CCDC178: variants seen among roughly 807,000 people sequenced by gnomAD.
CCDC178 encodes the protein coiled-coil domain-containing protein 178.
Under a neutral mutation model 117.4 loss-of-function variants are expected in CCDC178, and 126 were observed. The observed-to-expected ratio is 1.07, with a 90% confidence interval of 0.93 to 1.24. The LOEUF (loss-of-function observed/expected upper bound fraction) is 1.24. Ranked by LOEUF, CCDC178 falls within the 50% of genes most tolerant of loss-of-function variation. The probability of loss-of-function intolerance (pLI) is 0.00; values close to 1 mark genes in which losing one functional copy is unlikely to be tolerated. For synonymous variants in CCDC178, 283 were observed against 313.4 expected, an observed-to-expected ratio of 0.90 and a Z score of 1.02; for missense variants, 1,030 against 986.9, an observed-to-expected ratio of 1.04 and a Z score of -0.59.
chr18:32,971,893 A>G (rs1430627304), intron 22 of CCDC178, among the ~76,000 whole-genome samples: 3 of 151,942 alleles, frequency 2.0e-5, no homozygotes, highest in African/African-American at 7.2e-5. Flanking sequence ...TAATTTGTTT[A>G]AGTTCCTTGT....
intron 5 of CCDC178, 58 bp downstream of exon 5, chr18:33,389,482 T>G: frequency 7.9e-4 from 582 of 734,150 alleles, no homozygotes; most frequent in Non-Finnish European, 9.7e-4. Context: ...TATAGACTAA[T>G]GAGATAATAT....
intron 21 of CCDC178, among the ~76,000 whole-genome samples, chr18:33,037,549 T>C (rs549276848): frequency 5.3e-5 from 8 of 152,094 alleles, no homozygotes; most frequent in South Asian, 4.1e-4. Context: ...TCTTTCAAAA[T>C]GTTTTCTTGA....
chr18:33,370,305 T>C (rs190267000), intron 5 of CCDC178, 116 bp from the exon 6 acceptor site: 93 of 493,494 alleles, frequency 1.9e-4, no homozygotes, highest in Admixed American at 2.1e-4. Flanking sequence ...GTTTCCTTAA[T>C]AGAGAGGCTG....
At chr18:33,092,691 A>C (rs1334789097) in intron 21 of CCDC178, 70 bp downstream of exon 21, 2 of 1,068,896 alleles carry the variant, frequency 1.9e-6, no homozygotes, top group Non-Finnish European at 2.7e-6. Context: ...ACCCAAACTG[A>C]CTACTTTTTA....
At chr18:33,350,881 C>T (rs902760284) in intron 7 of CCDC178, among the ~76,000 whole-genome samples, 6 of 152,066 alleles carry the variant, frequency 3.9e-5, no homozygotes, top group East Asian at 3.9e-4. Flanking sequence ...TTTATATTCA[C>T]GCCAGCAATA....
chr18:33,045,075 T>A lies in CCDC178; in HGVS notation c.2388+47686A>T, dbSNP rs959007192. On this transcript the variant is annotated intron_variant, in intron 21 of 22. Coordinates refer to ENST00000383096, the MANE Select transcript of CCDC178 (RefSeq NM_001105528.4). Reference sequence around the variant, plus strand: ...AGTATAATGTTCACTATTCAGGTGATGGTTTCAGTAAAAACCCAGAATTCA... The same window carrying A: ...AGTATAATGTTCACTATTCAGGTGAAGGTTTCAGTAAAAACCCAGAATTCA... Among the ~76,000 whole-genome samples the A allele has an allele frequency of 3.9e-5, 6 of 152,126 alleles. No homozygotes were observed. The East Asian group carries it at 1.2e-3, about 29-fold the overall frequency.
At chr18:33,202,723 G>T (rs1285435794) in intron 20 of CCDC178, among the ~76,000 whole-genome samples, 1 of 152,004 alleles carries the variant, frequency 6.6e-6, no homozygotes, top group Non-Finnish European at 1.5e-5. Flanking sequence ...CTCTCTAATT[G>T]ATCTTGCTAT....
intron 21 of CCDC178, among the ~76,000 whole-genome samples, chr18:33,035,375 A>G (rs892913791): frequency 2.6e-5 from 4 of 152,020 alleles, no homozygotes; most frequent in Non-Finnish European, 5.9e-5. Context: ...GTTAAGAAAA[A>G]TGAATGGATA....
chr18:33,032,905 C>T (rs932916499), intron 21 of CCDC178, among the ~76,000 whole-genome samples: 1 of 152,004 alleles, frequency 6.6e-6, no homozygotes, highest in African/African-American at 2.4e-5. Flanking sequence ...CTTTCCTCAG[C>T]TTAATTTTTA....
At chr18:33,264,215 A>G (rs1340569704) in intron 14 of CCDC178, among the ~76,000 whole-genome samples, 1 of 152,162 alleles carries the variant, frequency 6.6e-6, no homozygotes, top group East Asian at 1.9e-4. Flanking sequence ...GCCAGTTTAT[A>G]TGTGCAAATA....
chr18:33,409,555 T>C (rs550581468), intron 3 of CCDC178, among the ~76,000 whole-genome samples: 9 of 152,342 alleles, frequency 5.9e-5, no homozygotes, highest in Admixed American at 1.3e-4. Context: ...GTTCTTGTGA[T>C]AGAATTAATG....
At chr18:33,116,410 A>G (rs1410885006) in intron 20 of CCDC178, among the ~76,000 whole-genome samples, 4 of 152,206 alleles carry the variant, frequency 2.6e-5, no homozygotes, top group African/African-American at 9.6e-5. Flanking sequence ...GCATTGCTGC[A>G]TAACAAATCA....
intron 14 of CCDC178, among the ~76,000 whole-genome samples, chr18:33,266,164 C>T (rs865997875): frequency 2.6e-5 from 4 of 151,922 alleles, no homozygotes; most frequent in Non-Finnish European, 5.9e-5. Flanking sequence ...GATTAAATGG[C>T]GAATTCCAGA....
At chr18:33,301,546 T>C (rs1268789364) in intron 11 of CCDC178, among the ~76,000 whole-genome samples, 1 of 152,182 alleles carries the variant, frequency 6.6e-6, no homozygotes, top group Admixed American at 6.5e-5. Context: ...TGAGAATAGC[T>C]GCACCTTGCA....
intron 21 of CCDC178, among the ~76,000 whole-genome samples, chr18:33,022,595 T>C (rs1197007582): frequency 6.6e-6 from 1 of 152,014 alleles, no homozygotes; most frequent in Admixed American, 6.6e-5. Flanking sequence ...TTCACTACAA[T>C]ACAATATAGA....
intron 22 of CCDC178, chr18:32,958,200 CT>C: frequency 3.4e-6 from 2 of 582,610 alleles, no homozygotes; most frequent in South Asian, 1.9e-5. Context: ...CAATTTTATT[CT>C]TTTTCCAAAT....
At chr18:33,033,968 T>C (rs764609763) in intron 21 of CCDC178, among the ~76,000 whole-genome samples, 3 of 151,970 alleles carry the variant, frequency 2.0e-5, no homozygotes, top group African/African-American at 4.8e-5. Flanking sequence ...TAAACATGTA[T>C]ACAAAGACTA....
At chr18:33,147,716 C>T (rs941346098) in intron 20 of CCDC178, among the ~76,000 whole-genome samples, 15 of 152,136 alleles carry the variant, frequency 9.9e-5, no homozygotes, top group Non-Finnish European at 2.2e-4. Context: ...CATCCCAAGG[C>T]ACAAGAATTT....
upstream of CCDC178, chr18:33,441,039 C>G (rs1055009625): frequency 6.6e-6 from 1 of 152,304 alleles, no homozygotes; most frequent in African/African-American, 2.4e-5. Flanking sequence ...CGTCCACCTT[C>G]GGGAGGACCG....
Sources: allele counts gnomAD v4.1 joint callset (sites outside exome capture counted in the v4.1 genomes callset), GRCh38; gene constraint gnomAD v4.1.1; transcripts MANE v1.5; gene names NCBI Gene and HGNC (gene_info 2026-07-23, HGNC 2026-07-21).